WDR64: variants seen among roughly 807,000 people sequenced by gnomAD.
The protein encoded by WDR64 is WD repeat domain 64.
Under a neutral mutation model 139.3 loss-of-function variants are expected in WDR64, and 112 were observed. That is an observed-to-expected ratio of 0.80 (90% CI 0.69 to 0.94). The LOEUF (loss-of-function observed/expected upper bound fraction) is 0.94. Among genes scored for constraint, WDR64 ranks in the 40% least tolerant of loss-of-function variants. The probability of loss-of-function intolerance (pLI) is 0.00; values close to 1 mark genes in which losing one functional copy is unlikely to be tolerated. For missense variants in WDR64, 1,206 were observed against 1,293.1 expected (o/e 0.93, Z 1.03); for synonymous variants, 444 against 437.7 (o/e 1.01, Z -0.18).
intron 23 of WDR64, among the ~76,000 whole-genome samples, chr1:241,785,250 T>C (rs1476907151): frequency 6.6e-6 from 1 of 152,128 alleles, no homozygotes; most frequent in East Asian, 1.9e-4. Flanking sequence ...GGGTAATTTA[T>C]AAACAACAGA....
At chr1:241,747,509 C>CA (rs1412747731) in intron 13 of WDR64, among the ~76,000 whole-genome samples, 3 of 152,100 alleles carry the variant, frequency 2.0e-5, no homozygotes, top group African/African-American at 7.2e-5. Flanking sequence ...CAAATTTTGC[C>CA]AAACACTGAA....
chr1:241,752,381 G>T (rs1401081090), intron 14 of WDR64, among the ~76,000 whole-genome samples: 1 of 152,000 alleles, frequency 6.6e-6, no homozygotes, highest in African/African-American at 2.4e-5. Flanking sequence ...ATAAAATAAT[G>T]GTAGTAGAGT....
At chr1:241,676,721 G>GA (rs1441349365) in intron 4 of WDR64, among the ~76,000 whole-genome samples, 1 of 147,700 alleles carries the variant, frequency 6.8e-6, no homozygotes, top group East Asian at 2.0e-4. Flanking sequence ...GTAACTGGAG[G>GA]AAAAAATGGC....
At chr1:241,655,113 G>A (rs1024633086) in intron 1 of WDR64, among the ~76,000 whole-genome samples, 2 of 152,134 alleles carry the variant, frequency 1.3e-5, no homozygotes, top group Admixed American at 6.5e-5. Flanking sequence ...GGCCAGGCGC[G>A]GTGGCTCACG....
chr1:241,660,251 T>A (rs1048513618), intron 1 of WDR64, among the ~76,000 whole-genome samples: 29 of 152,202 alleles, frequency 1.9e-4, no homozygotes. Flanking sequence ...TTGGGTTCTC[T>A]ATTCTGTTCC....
chr1:241,677,217 A>G, intron 4 of WDR64: 2 of 397,334 alleles, frequency 5.0e-6, no homozygotes, highest in Non-Finnish European at 8.9e-6. Context: ...AAAGAAGCTG[A>G]GAGGACTTTA....
At chr1:241,772,408 T>C (rs959221750) in intron 19 of WDR64, among the ~76,000 whole-genome samples, 3 of 142,944 alleles carry the variant, frequency 2.1e-5, no homozygotes, top group Non-Finnish European at 4.6e-5. Flanking sequence ...TTACATTCCA[T>C]AAAAATTTGG....
chr1:241,794,797 G>A (rs527717605), intron 25 of WDR64, among the ~76,000 whole-genome samples: 1 of 152,192 alleles, frequency 6.6e-6, no homozygotes, highest in Admixed American at 6.5e-5. Flanking sequence ...ATGAGCCACC[G>A]TGCCCGGCCG....
Position 241,677,402 on chromosome 1 carries a change from C to T in WDR64, c.484-785C>T, listed in dbSNP as rs561353409. The T allele has an allele frequency of 1.0e-5, 4 of 398,498 alleles. No individual in the cohort carries two copies. In the East Asian group the frequency reaches 1.4e-4, roughly 14 times the overall value. 24.7% of individuals were successfully genotyped at this position (398,498 alleles called of 1,614,324 possible). On this transcript the variant is annotated intron_variant, in intron 4 of 27. Coordinates refer to ENST00000437684, the MANE Select transcript of WDR64 (RefSeq NM_001367482.1). ...AGATGAAAGACAGTCTGTGGGTAGC[C>T]ATGACTAACAGCTTTAGTGATCTCT...
intron 19 of WDR64, 28 bp from the exon 20 acceptor site, chr1:241,772,764 C>G (rs1658510007): frequency 3.9e-6 from 6 of 1,550,346 alleles, no homozygotes; most frequent in Non-Finnish European, 5.2e-6. Context: ...CGCCTGGCCT[C>G]ATGATAGTTC....
chr1:241,705,426 C>T (rs1421232778), intron 8 of WDR64, among the ~76,000 whole-genome samples: 2 of 151,600 alleles, frequency 1.3e-5, no homozygotes, highest in Non-Finnish European at 2.9e-5. Context: ...CCTGTAGTCC[C>T]AGCTACTCGG....
At chr1:241,655,893 C>G (rs1665575859) in intron 1 of WDR64, among the ~76,000 whole-genome samples, 1 of 152,100 alleles carries the variant, frequency 6.6e-6, no homozygotes, top group Non-Finnish European at 1.5e-5. Flanking sequence ...TTAATGTGTT[C>G]ATTCGTTCCT....
At chr1:241,688,010 T>C (rs188765577) in intron 8 of WDR64, among the ~76,000 whole-genome samples, 12 of 152,368 alleles carry the variant, frequency 7.9e-5, no homozygotes, top group African/African-American at 2.2e-4. Flanking sequence ...GGCATCCTCA[T>C]AGAAAGGTTC....
chr1:241,710,193 G>A (rs1210099174), intron 8 of WDR64, among the ~76,000 whole-genome samples: 2 of 151,972 alleles, frequency 1.3e-5, no homozygotes, highest in African/African-American at 4.8e-5. Context: ...TGGGCTTCTT[G>A]TCTAGGCTTC....
rs1665397888 is a variant in WDR64, at chr1:241,652,479, G to A, written c.-6G>A. 1 of 1,551,834 alleles carries A rather than the reference G, an allele frequency of 6.4e-7. No individual in the cohort carries two copies. The highest frequency in any genetic ancestry group is 8.7e-7 in the Non-Finnish European group (1 of 1,147,024). On this transcript the variant is annotated 5_prime_UTR_variant, in exon 1 of 28. It removes an upstream start codon present in the reference 5' UTR. Coordinates refer to ENST00000437684, the MANE Select transcript of WDR64 (RefSeq NM_001367482.1). ...TGTACAGAAGTAAAAGATCCCCTAT[G>A]TCCCTATGGATATCAGGAAGGAAAA... is the stretch of plus-strand genomic sequence containing the variant.
chr1:241,771,242 A>C (rs1658413967), intron 18 of WDR64, among the ~76,000 whole-genome samples: 1 of 152,234 alleles, frequency 6.6e-6, no homozygotes, highest in Non-Finnish European at 1.5e-5. Context: ...AGCAAAAGCC[A>C]GACAGATTGT....
chr1:241,695,377 A>G (rs745776640), intron 8 of WDR64, among the ~76,000 whole-genome samples: 1 of 152,178 alleles, frequency 6.6e-6, no homozygotes, highest in Non-Finnish European at 1.5e-5. Flanking sequence ...GGAAGCAGCC[A>G]TGCTACCATA....
chr1:241,757,773 C>T (rs1262126418), intron 15 of WDR64, among the ~76,000 whole-genome samples: 3 of 151,398 alleles, frequency 2.0e-5, no homozygotes, highest in Non-Finnish European at 2.9e-5. Context: ...CATAAGACAC[C>T]GTGCCTGGCC....
At chr1:241,713,043 G>A (rs138946402) in intron 9 of WDR64, among the ~76,000 whole-genome samples, 52 of 148,406 alleles carry the variant, frequency 3.5e-4, no homozygotes, top group African/African-American at 1.3e-3. Flanking sequence ...GCAGTGGCTC[G>A]CACCAATAAT....
Sources: allele counts gnomAD v4.1 joint callset (sites outside exome capture counted in the v4.1 genomes callset), GRCh38; gene constraint gnomAD v4.1.1; transcripts MANE v1.5; gene names NCBI Gene and HGNC (gene_info 2026-07-23, HGNC 2026-07-21).